TYR: variants seen among roughly 807,000 people sequenced by gnomAD.
TYR encodes the protein LB24-AB.
A neutral mutation model predicts 51.5 loss-of-function variants in TYR; 58 were observed. The observed-to-expected ratio is 1.13, with a 90% CI of 0.91 to 1.40. The LOEUF (loss-of-function observed/expected upper bound fraction) is 1.40. TYR is among the 40% of genes most tolerant of loss of function. The pLI is 0.00. For missense variants in TYR, 732 were observed against 647.4 expected (o/e 1.13, Z -1.42); for synonymous variants, 263 against 235.2 (o/e 1.12, Z -1.08).
intron 2 of TYR, among the ~76,000 whole-genome samples, chr11:89,202,649 A>ACACACACACACACT (rs1296510012): frequency 6.6e-6 from 1 of 151,786 alleles, no homozygotes; most frequent in African/African-American, 2.4e-5. Context: ...ACACACACAC[A>ACACACACACACACT]CTGTATAGCT....
intron 2 of TYR, among the ~76,000 whole-genome samples, chr11:89,223,818 A>G (rs980654259): frequency 1.3e-5 from 2 of 152,148 alleles, no homozygotes; most frequent in African/African-American, 4.8e-5. Context: ...ATGTATTACA[A>G]AGAATCTTGG....
intron 4 of TYR, chr11:89,293,919 T>G (rs1944876720): frequency 3.2e-6 from 1 of 315,180 alleles, no homozygotes. Context: ...AATTATTCTT[T>G]CAGGATCAAG....
chr11:89,245,665 G>A (rs1235801139), intron 3 of TYR, among the ~76,000 whole-genome samples: 1 of 152,172 alleles, frequency 6.6e-6, no homozygotes, highest in Non-Finnish European at 1.5e-5. Flanking sequence ...GCTCACGCCT[G>A]TAATCCCAGC....
At chr11:89,261,560 A>G (rs531280983) in intron 3 of TYR, among the ~76,000 whole-genome samples, 1 of 152,162 alleles carries the variant, frequency 6.6e-6, no homozygotes, top group African/African-American at 2.4e-5. Context: ...CACACAATAC[A>G]TGAAGCAAAA....
chr11:89,282,556 T>G (rs1022919857), intron 3 of TYR, among the ~76,000 whole-genome samples: 1 of 151,796 alleles, frequency 6.6e-6, no homozygotes, highest in African/African-American at 2.4e-5. Context: ...TCTTTGTATT[T>G]TCTCTATTTT....
At position 89,272,077 on chromosome 11, in the gene TYR, A is replaced by T. The variant is rs532883494; in HGVS notation, c.1185-12696A>T. Reference sequence around the variant, plus strand: ...GTGGTTTGGATTCACCTTCTTCCACACTCTATGAATGTTGATATTTTGGCC... The same window carrying T: ...GTGGTTTGGATTCACCTTCTTCCACTCTCTATGAATGTTGATATTTTGGCC... On this transcript the variant is annotated intron_variant, in intron 3 of 4. Coordinates refer to ENST00000263321, the MANE Select transcript of TYR (RefSeq NM_000372.5). Among the ~76,000 whole-genome samples, 4 of 151,792 alleles carry T rather than the reference A, an allele frequency of 2.6e-5. No individual in the cohort carries two copies. The South Asian group carries it at 8.3e-4, about 31-fold the overall frequency.
At chr11:89,242,121 T>C (rs1163971138) in intron 3 of TYR, among the ~76,000 whole-genome samples, 1 of 152,140 alleles carries the variant, frequency 6.6e-6, no homozygotes, top group Non-Finnish European at 1.5e-5. Flanking sequence ...TATGTTATTA[T>C]TTCAGAGAAA....
chr11:89,273,305 C>A (rs1944612498), intron 3 of TYR, among the ~76,000 whole-genome samples: 1 of 151,576 alleles, frequency 6.6e-6, no homozygotes, highest in Admixed American at 6.6e-5. Context: ...ATTAATTGAC[C>A]TAATTTCAAT....
At position 89,178,019 on chromosome 11, in the gene TYR, A is replaced by T. The variant is rs1299172125; in HGVS notation, c.66A>T (p.Arg22Ser). Residue 22 changes from arginine to serine, a missense_variant, in exon 1 of 5, where the codon AGA (arginine) becomes AGT (serine). Arg to Ser is a moderately radical substitution (Grantham distance 110). Coordinates refer to ENST00000263321, the MANE Select transcript of TYR (RefSeq NM_000372.5). ...SFQTSAGHFPRACVSSKNLME... is the reference protein window; with the variant it reads ...SFQTSAGHFPSACVSSKNLME... The stretch of plus-strand genomic sequence containing the variant: ...AGACCTCCGCTGGCCATTTCCCTAG[A>T]GCCTGTGTCTCCTCTAAGAACCTGA... 13 of 1,614,020 alleles carry T rather than the reference A, an allele frequency of 8.1e-6. No homozygotes were observed. Among genetic ancestry groups the T allele is most frequent in the Non-Finnish European group, 8.5e-7 (1 of 1,180,022 alleles).
intron 2 of TYR, among the ~76,000 whole-genome samples, chr11:89,216,215 G>C (rs1400256945): frequency 6.6e-6 from 1 of 152,062 alleles, no homozygotes; most frequent in Non-Finnish European, 1.5e-5. Flanking sequence ...AAAAGCATCA[G>C]ATTTATAGGT....
intron 4 of TYR, among the ~76,000 whole-genome samples, chr11:89,291,628 CT>C: frequency 6.6e-6 from 1 of 151,938 alleles, no homozygotes; most frequent in South Asian, 2.1e-4. Flanking sequence ...TTAAGCATAT[CT>C]TTTAATTAAT....
chr11:89,228,803 G>C (rs1438473147), intron 3 of TYR, among the ~76,000 whole-genome samples: 2 of 152,028 alleles, frequency 1.3e-5, no homozygotes, highest in African/African-American at 4.8e-5. Flanking sequence ...TTAGGTTTTA[G>C]ACTTAATTGT....
At chr11:89,188,905 C>T (rs896374313) in intron 1 of TYR, among the ~76,000 whole-genome samples, 6 of 151,892 alleles carry the variant, frequency 4.0e-5, no homozygotes, top group Non-Finnish European at 7.4e-5. Flanking sequence ...ATAATGTTTG[C>T]ATCAGTCAGG....
chr11:89,249,471 C>CAAAAAAAAAAAAAAAAAA (rs35342940), intron 3 of TYR, among the ~76,000 whole-genome samples: 2 of 69,780 alleles, frequency 2.9e-5, no homozygotes, highest in African/African-American at 1.1e-4. Flanking sequence ...GCCATGTAGC[C>CAAAAAAAAAAAAAAAAAA]AAAAAAAAAA....
At chr11:89,191,621 T>C (rs1190050328) in intron 2 of TYR, among the ~76,000 whole-genome samples, 1 of 152,078 alleles carries the variant, frequency 6.6e-6, no homozygotes, top group Non-Finnish European at 1.5e-5. Context: ...GAGCCAGGCA[T>C]GGTGGCTCAT....
intron 2 of TYR, among the ~76,000 whole-genome samples, chr11:89,223,907 T>A: frequency 9.1e-6 from 1 of 109,292 alleles, no homozygotes. Context: ...TTTCTTTAGC[T>A]GTTTTTTTTT....
chr11:89,207,448 A>C (rs1339800814), intron 2 of TYR, among the ~76,000 whole-genome samples: 3 of 152,178 alleles, frequency 2.0e-5, no homozygotes, highest in African/African-American at 7.2e-5. Flanking sequence ...ATAGCCCTAT[A>C]AATGTAAAGG....
intron 3 of TYR, among the ~76,000 whole-genome samples, chr11:89,267,213 G>A (rs1191994680): frequency 6.6e-6 from 1 of 151,942 alleles, no homozygotes; most frequent in East Asian, 1.9e-4. Flanking sequence ...TGACAAGAGT[G>A]TTGGGTATGT....
chr11:89,184,913 C>T (rs1005044543), intron 1 of TYR, among the ~76,000 whole-genome samples: 15 of 152,106 alleles, frequency 9.9e-5, no homozygotes, highest in Admixed American at 3.3e-4. Context: ...ACAGTAGCAG[C>T]CATCTATGGT....
Sources: gnomAD v4.1 joint callset for allele counts (sites outside exome capture counted in the v4.1 genomes callset) on GRCh38, gnomAD v4.1.1 for gene constraint, MANE v1.5 for transcripts, NCBI Gene and HGNC (gene_info 2026-07-23, HGNC 2026-07-21) for gene names.